The following TIMD4 variants were observed in gnomAD, a reference collection of about 807,000 sequenced individuals.
TIMD4 encodes T cell immunoglobulin and mucin domain containing 4, also known as T-cell immunoglobulin and mucin domain-containing protein 4.
In TIMD4, 31 loss-of-function variants were observed where a neutral mutation model predicts 41.2. That is an observed-to-expected ratio of 0.75 (90% CI 0.57 to 1.01). The LOEUF is 1.01. TIMD4 is among the 50% of genes least tolerant of loss of function. TIMD4 has a pLI of 0.00. For missense variants in TIMD4, 479 were observed against 472.5 expected, an observed-to-expected ratio of 1.01 and a Z score of -0.13; for synonymous variants, 204 against 177.1, an observed-to-expected ratio of 1.15 and a Z score of -1.21.
intron 1 of TIMD4, among the ~76,000 whole-genome samples, chr5:156,962,383 T>G (rs1243816751): frequency 6.9e-6 from 1 of 145,962 alleles, no homozygotes; most frequent in Non-Finnish European, 1.5e-5. Flanking sequence ...AGCCCATAAA[T>G]ATGTATAGTT....
chr5:156,953,808 A>G (rs1759910783), intron 2 of TIMD4, among the ~76,000 whole-genome samples: 1 of 152,202 alleles, frequency 6.6e-6, no homozygotes, highest in Non-Finnish European at 1.5e-5. Flanking sequence ...GAAGCTCTAT[A>G]CTGGACAAGC....
chr5:156,922,175 G>A lies in TIMD4; in HGVS notation c.936C>T (p.Ile312=), dbSNP rs778308085. The A allele has an allele frequency of 1.2e-6, 2 of 1,614,036 alleles. No individual in the cohort carries two copies. The highest frequency in any genetic ancestry group is 1.7e-6 in the Non-Finnish European group (2 of 1,179,956). Residue 312 remains isoleucine (I), a synonymous_variant, in exon 7 of 9, where the codon ATC becomes ATT. Coordinates refer to ENST00000274532, the MANE Select transcript of TIMD4 (RefSeq NM_138379.3). ...GGGCGATGATCATCAGTAGTTGGGA[G>A]ATGGGCATTTCATTCTTCATTGACA... ...IPMSMKNEMP[I]SQLLMIIAPS...
At chr5:156,947,781 A>G (rs1759771467) in intron 5 of TIMD4, among the ~76,000 whole-genome samples, 1 of 152,212 alleles carries the variant, frequency 6.6e-6, no homozygotes, top group Admixed American at 6.5e-5. Context: ...AAGACCTAGA[A>G]TGATCATCTT....
chr5:156,960,401 C>T (rs920554083), intron 1 of TIMD4, among the ~76,000 whole-genome samples: 3 of 148,684 alleles, frequency 2.0e-5, no homozygotes, highest in East Asian at 3.9e-4. Context: ...TTTTTTTCTT[C>T]CCCCTTTTTT....
rs558064692 is a variant in TIMD4, at chr5:156,962,001, C to A, written c.58+1140G>T. ...GAAAGACAAATATTGCATGTTCCCA[C>A]TCATACATGAGAGCTAAAAAAGTTG... On this transcript the variant is annotated intron_variant, in intron 1 of 8. Transcript: ENST00000274532. Among the ~76,000 whole-genome samples, 4 of 152,036 alleles carry A rather than the reference C, an allele frequency of 2.6e-5. No homozygotes were observed. The East Asian group carries it at 7.7e-4, about 29-fold the overall frequency.
chr5:156,947,014 G>A (rs113564833), intron 5 of TIMD4, among the ~76,000 whole-genome samples: 24 of 151,874 alleles, frequency 1.6e-4, no homozygotes, highest in African/African-American at 4.6e-4. Flanking sequence ...CCAGGGCAAC[G>A]TGGTGAAACC....
intron 6 of TIMD4, among the ~76,000 whole-genome samples, chr5:156,923,493 G>A (rs2113340424): frequency 6.6e-6 from 1 of 151,832 alleles, no homozygotes; most frequent in African/African-American, 2.4e-5. Flanking sequence ...TTTTTCTGCT[G>A]AGCAGTCTAG....
chr5:156,934,679 A>C (rs938960322), intron 5 of TIMD4, among the ~76,000 whole-genome samples: 1 of 152,214 alleles, frequency 6.6e-6, no homozygotes, highest in Non-Finnish European at 1.5e-5. Flanking sequence ...AAGGTGACAC[A>C]AACAAAGGAA....
intron 5 of TIMD4, among the ~76,000 whole-genome samples, chr5:156,938,094 A>G (rs1759573014): frequency 6.6e-6 from 1 of 152,208 alleles, no homozygotes; most frequent in South Asian, 2.1e-4. Flanking sequence ...GAAAATTGTC[A>G]GGTTCTGACA....
intron 5 of TIMD4, among the ~76,000 whole-genome samples, chr5:156,944,930 A>G (rs1182547800): frequency 2.0e-5 from 3 of 152,134 alleles, no homozygotes; most frequent in African/African-American, 7.2e-5. Flanking sequence ...AGAAATTGCT[A>G]CCCTGGGTCA....
intron 1 of TIMD4, among the ~76,000 whole-genome samples, chr5:156,956,411 A>C (rs1363232): frequency 2.6e-5 from 4 of 152,142 alleles, no homozygotes; most frequent in South Asian, 4.1e-4. Context: ...AAAATGAAGC[A>C]TGAGTGTGTT....
chr5:156,944,363 T>TTCAGGAGGGTCA (rs1759698872), intron 5 of TIMD4, among the ~76,000 whole-genome samples: 1 of 152,198 alleles, frequency 6.6e-6, no homozygotes, highest in South Asian at 2.1e-4. Flanking sequence ...TGCATATCAT[T>TTCAGGAGGGTCA]TCAGGAGGGT....
At chr5:156,940,493 C>A (rs560064598) in intron 5 of TIMD4, among the ~76,000 whole-genome samples, 3 of 152,076 alleles carry the variant, frequency 2.0e-5, no homozygotes, top group Admixed American at 6.6e-5. Context: ...CCGGCCGCCG[C>A]CCCGTCTAGG....
chr5:156,926,443 T>C (rs373099086), intron 5 of TIMD4, 131 bp from the exon 6 acceptor site: 8 of 858,920 alleles, frequency 9.3e-6, no homozygotes, highest in African/African-American at 6.9e-5. Context: ...CCGTGTTTTT[T>C]GTATAATCTA....
At chr5:156,949,629 G>C in intron 4 of TIMD4, 22 bp downstream of exon 4, 3 of 1,586,448 alleles carry the variant, frequency 1.9e-6, no homozygotes, top group Non-Finnish European at 2.6e-6. Flanking sequence ...AGGGAGGACA[G>C]AGAGAGTGAG....
Position 156,919,443 on chromosome 5 carries a change from A to G in TIMD4, c.*14T>C, listed in dbSNP as rs765884922. The G allele has an allele frequency of 1.9e-6, 3 of 1,612,178 alleles. No individual in the cohort carries two copies. Among genetic ancestry groups the G allele is most frequent in the Admixed American group, 3.3e-5 (2 of 59,964 alleles). On this transcript the variant is annotated 3_prime_UTR_variant, in exon 9 of 9. Transcript: ENST00000274532. Reference sequence around the variant, plus strand: ...GTCATGCCCCCATCCTCAATCTAACATGCTACTGCGTTGTTAGAGGGTAAA... The same window carrying G: ...GTCATGCCCCCATCCTCAATCTAACGTGCTACTGCGTTGTTAGAGGGTAAA...
intron 5 of TIMD4, among the ~76,000 whole-genome samples, chr5:156,939,944 T>G (rs1759609001): frequency 6.6e-6 from 1 of 152,176 alleles, no homozygotes; most frequent in Non-Finnish European, 1.5e-5. Context: ...TCAAAAAACA[T>G]GAACCCTCTC....
At chr5:156,949,863 G>T (rs141229918) in intron 3 of TIMD4, 132 bp from the exon 4 acceptor site, 7,683 of 598,708 alleles carry the variant, frequency 0.013, 391 homozygotes, top group African/African-American at 0.12. Flanking sequence ...TATCACCCAG[G>T]CTGGAGTGCA....
chr5:156,933,428 T>G (rs1759479173), intron 5 of TIMD4, among the ~76,000 whole-genome samples: 1 of 151,762 alleles, frequency 6.6e-6, no homozygotes, highest in African/African-American at 2.4e-5. Flanking sequence ...CACTACAGCT[T>G]GGGCAACAGA....
Sources: allele counts gnomAD v4.1 joint callset (sites outside exome capture counted in the v4.1 genomes callset), GRCh38; gene constraint gnomAD v4.1.1; transcripts MANE v1.5; gene names NCBI Gene and HGNC (gene_info 2026-07-23, HGNC 2026-07-21).